The following PTGER3 variants were observed in gnomAD, a reference collection of about 807,000 sequenced individuals.
PTGER3 encodes the protein prostaglandin E receptor 3, also known as prostaglandin E2 receptor EP3 subtype.
A neutral mutation model predicts 34.7 loss-of-function variants in PTGER3; 22 were observed. The observed-to-expected ratio is 0.63, with a 90% CI of 0.45 to 0.91. PTGER3 has a LOEUF of 0.91. PTGER3 is among the 40% of genes least tolerant of loss of function. PTGER3 has a pLI of 0.00. For missense variants in PTGER3, 468 were observed against 519.4 expected (o/e 0.90, Z 0.96); for synonymous variants, 241 against 230.1 (o/e 1.05, Z -0.43).
intron 2 of PTGER3, chr1:71,011,123 AG>A: frequency 2.0e-6 from 2 of 985,782 alleles, no homozygotes; most frequent in Non-Finnish European, 1.2e-6. Flanking sequence ...AACTTAATGT[AG>A]TGATCTACTT....
chr1:70,855,379 CTT>C (rs1032436898), intron 4 of PTGER3, among the ~76,000 whole-genome samples: 1 of 152,024 alleles, frequency 6.6e-6, no homozygotes, highest in African/African-American at 2.4e-5. Context: ...AAATGAAAAA[CTT>C]TTAGAGATCT....
At chr1:71,032,290 T>C (rs1184962421) in intron 1 of PTGER3, among the ~76,000 whole-genome samples, 1 of 152,182 alleles carries the variant, frequency 6.6e-6, no homozygotes, top group Non-Finnish European at 1.5e-5. Context: ...GAAAATTCTC[T>C]GAGCCTGAAT....
At chr1:70,989,958 T>C (rs746589450) in intron 2 of PTGER3, among the ~76,000 whole-genome samples, 14 of 151,756 alleles carry the variant, frequency 9.2e-5, no homozygotes, top group Non-Finnish European at 1.9e-4. Flanking sequence ...AAAATATATA[T>C]GTGAAAATAT....
At chr1:70,975,659 T>G (rs1653618214) in intron 2 of PTGER3, among the ~76,000 whole-genome samples, 1 of 152,168 alleles carries the variant, frequency 6.6e-6, no homozygotes, top group East Asian at 1.9e-4. Flanking sequence ...AGGTAGGCAG[T>G]GCTGTGTGAA....
intron 1 of PTGER3, among the ~76,000 whole-genome samples, chr1:71,040,053 G>GAGAA (rs912573396): frequency 3.4e-5 from 5 of 148,822 alleles, no homozygotes; most frequent in Non-Finnish European, 5.9e-5. Context: ...AAGAGAGAGA[G>GAGAA]AGAAAGAAAG....
chr1:70,941,702 A>G (rs957354000), intron 4 of PTGER3, among the ~76,000 whole-genome samples: 1 of 152,168 alleles, frequency 6.6e-6, no homozygotes, highest in African/African-American at 2.4e-5. Flanking sequence ...AAAAGAAATC[A>G]GTCAGGAGTC....
At chr1:70,862,177 G>T in intron 4 of PTGER3, 1 of 433,244 alleles carries the variant, frequency 2.3e-6, no homozygotes, top group Non-Finnish European at 3.6e-6. Context: ...ACCAAAATTA[G>T]CACCTCTTTT....
intron 1 of PTGER3, among the ~76,000 whole-genome samples, chr1:71,043,869 T>G (rs960232930): frequency 6.6e-6 from 1 of 151,346 alleles, no homozygotes; most frequent in African/African-American, 2.4e-5. Context: ...CGTGCTGGAG[T>G]GCAGTGGCGT....
intron 4 of PTGER3, among the ~76,000 whole-genome samples, chr1:70,869,517 C>T (rs974649514): frequency 6.6e-6 from 1 of 152,148 alleles, no homozygotes; most frequent in Non-Finnish European, 1.5e-5. Context: ...AAGTCTAAGT[C>T]CAAAGTTTCA....
intron 4 of PTGER3, among the ~76,000 whole-genome samples, chr1:70,855,579 A>G (rs1311071627): frequency 2.6e-5 from 4 of 152,186 alleles, no homozygotes; most frequent in Non-Finnish European, 5.9e-5. Context: ...GGTGATTGGT[A>G]TATCTAGTAC....
chr1:70,893,511 G>A (rs1043628871), intron 4 of PTGER3, among the ~76,000 whole-genome samples: 1 of 152,086 alleles, frequency 6.6e-6, no homozygotes, highest in Non-Finnish European at 1.5e-5. Flanking sequence ...TACATCACCA[G>A]GACTTTCCCC....
chr1:70,990,678 G>A (rs1655392715), intron 2 of PTGER3, among the ~76,000 whole-genome samples: 1 of 151,816 alleles, frequency 6.6e-6, no homozygotes, highest in Non-Finnish European at 1.5e-5. Flanking sequence ...GGGTTTCACA[G>A]TGTTGCTCAG....
chr1:70,908,699 C>T (rs1647000399), intron 4 of PTGER3, among the ~76,000 whole-genome samples: 1 of 152,188 alleles, frequency 6.6e-6, no homozygotes, highest in Admixed American at 6.5e-5. Flanking sequence ...AGTAAATGCA[C>T]ATGTCTTTTG....
At chr1:70,884,355 A>G (rs1646455014) in intron 4 of PTGER3, among the ~76,000 whole-genome samples, 1 of 152,234 alleles carries the variant, frequency 6.6e-6, no homozygotes, top group African/African-American at 2.4e-5. Context: ...TCCCATGATT[A>G]TGTTACATTA....
At chr1:70,891,202 TG>T (rs1237805238) in intron 4 of PTGER3, among the ~76,000 whole-genome samples, 1 of 152,216 alleles carries the variant, frequency 6.6e-6, no homozygotes, top group Non-Finnish European at 1.5e-5. Context: ...CCTTAGACCA[TG>T]AGCTTCCAGC....
intron 1 of PTGER3, among the ~76,000 whole-genome samples, chr1:71,032,019 C>A (rs962073956): frequency 6.6e-6 from 1 of 152,142 alleles, no homozygotes; most frequent in Non-Finnish European, 1.5e-5. Context: ...AAAATTACTA[C>A]CATTAAATAA....
chr1:71,046,712 C>T lies in PTGER3; in HGVS notation c.866G>A (p.Cys289Tyr). 1 of 1,592,924 alleles carries T rather than the reference C, an allele frequency of 6.3e-7. No homozygotes were observed. Residue 289 changes from cysteine to tyrosine, a missense_variant, in exon 1 of 4, where the codon TGC becomes TAC. Transcript: ENST00000306666. ...ETAIQLMGIM[C>Y]VLSVCWSPLL... The stretch of plus-strand genomic sequence containing the variant: ...CGGAGACCAGCAGACCGACAGCACG[C>T]ACATGATCCCCATAAGCTGAATGGC...
intron 2 of PTGER3, among the ~76,000 whole-genome samples, chr1:70,987,889 A>G (rs1462787262): frequency 1.3e-5 from 2 of 152,238 alleles, no homozygotes; most frequent in African/African-American, 4.8e-5. Flanking sequence ...TGTGTAAGAC[A>G]CTGTGCTAGG....
intron 2 of PTGER3, chr1:71,011,115 C>A: frequency 1.0e-6 from 1 of 985,696 alleles, no homozygotes. Context: ...ATTCCCAAAA[C>A]TTAATGTAGT....
Sources: allele counts gnomAD v4.1 joint callset (sites outside exome capture counted in the v4.1 genomes callset), GRCh38; gene constraint gnomAD v4.1.1; transcripts MANE v1.5; gene names NCBI Gene and HGNC (gene_info 2026-07-23, HGNC 2026-07-21).